The following HOXA3 variants were observed in gnomAD, a reference collection of about 807,000 sequenced individuals.
HOXA3 encodes homeobox A3.
Under a neutral mutation model 30.3 loss-of-function variants are expected in HOXA3, and 8 were observed. The observed-to-expected ratio is 0.26, with a 90% CI of 0.15 to 0.48. HOXA3 has a LOEUF of 0.48. Among genes scored for constraint, HOXA3 ranks in the 20% least tolerant of loss-of-function variants. The pLI is 0.99. For synonymous variants in HOXA3, 323 were observed against 273.1 expected, an observed-to-expected ratio of 1.18 and a Z score of -1.80; for missense variants, 653 against 614.4, an observed-to-expected ratio of 1.06 and a Z score of -0.66.
chr7:27,120,866 GC>G (rs1283089041), intron 4 of HOXA3: 1 of 152,198 alleles, frequency 6.6e-6, no homozygotes, highest in Non-Finnish European at 1.5e-5. Flanking sequence ...GTCCTCCTTT[GC>G]CACTCTGCAA....
chr7:27,136,690 G>A (rs1305061668), intron 2 of HOXA3, among the ~76,000 whole-genome samples: 2 of 152,128 alleles, frequency 1.3e-5, no homozygotes, highest in East Asian at 1.9e-4. Flanking sequence ...CTCCAGCAAG[G>A]GCTGCTTCAC....
chr7:27,151,501 C>T (rs1475210539), intron 1 of HOXA3: 1 of 428,558 alleles, frequency 2.3e-6, no homozygotes, highest in Non-Finnish European at 4.8e-6. Flanking sequence ...CGCGCGCTAA[C>T]AGCATTATGT....
chr7:27,143,456 C>T (rs1782647417), intron 1 of HOXA3: 3 of 1,613,798 alleles, frequency 1.9e-6, no homozygotes, highest in Non-Finnish European at 2.5e-6. Flanking sequence ...GAGATCCATG[C>T]CATTGTAGCC....
chr7:27,117,117 C>A (rs1308872620), intron 4 of HOXA3, among the ~76,000 whole-genome samples: 1 of 152,214 alleles, frequency 6.6e-6, no homozygotes, highest in Non-Finnish European at 1.5e-5. Flanking sequence ...GTCCCCAAAG[C>A]CCAATTAGCT....
intron 1 of HOXA3, chr7:27,150,224 C>CA (rs1465631073): frequency 1.3e-5 from 2 of 152,034 alleles, no homozygotes; most frequent in African/African-American, 4.8e-5. Context: ...CCAGACCCTC[C>CA]AAAGGGCCTC....
chr7:27,152,048 G>A (rs1782988358), intron 1 of HOXA3, among the ~76,000 whole-genome samples: 1 of 152,134 alleles, frequency 6.6e-6, no homozygotes, highest in Admixed American at 6.5e-5. Flanking sequence ...TACTGCCAAG[G>A]CGAGCCAGGG....
At chr7:27,129,453 G>GC in intron 2 of HOXA3, 3 of 1,614,222 alleles carry the variant, frequency 1.9e-6, no homozygotes, top group Non-Finnish European at 2.5e-6. Flanking sequence ...CGATCTCGAT[G>GC]CGGCGCCGCC....
intron 2 of HOXA3, chr7:27,129,173 A>G (rs1328086753): frequency 1.0e-5 from 11 of 1,078,894 alleles, no homozygotes; most frequent in Non-Finnish European, 1.4e-5. Flanking sequence ...GAGCAGGAGA[A>G]GAGAAGAGAA....
intron 2 of HOXA3, among the ~76,000 whole-genome samples, chr7:27,139,881 C>G (rs972281303): frequency 6.6e-6 from 1 of 152,190 alleles, no homozygotes; most frequent in African/African-American, 2.4e-5. Context: ...GGATGCGGCG[C>G]GGCCACAGGC....
intron 1 of HOXA3, chr7:27,143,131 C>G (rs773252225): frequency 1.9e-6 from 3 of 1,607,548 alleles, no homozygotes; most frequent in African/African-American, 2.7e-5. Flanking sequence ...GCGCACTCGC[C>G]TGCTCGCTGC....
intron 1 of HOXA3, chr7:27,150,019 A>G (rs1782915066): frequency 6.6e-6 from 1 of 152,240 alleles, no homozygotes; most frequent in East Asian, 1.9e-4. Context: ...AGCTAACAAG[A>G]GAATTTGATT....
chr7:27,144,858 C>A (rs566960114), intron 1 of HOXA3, among the ~76,000 whole-genome samples: 1 of 152,350 alleles, frequency 6.6e-6, no homozygotes, highest in South Asian at 2.1e-4. Context: ...GAAGCCAGGA[C>A]TCTGGCGGCT....
At chr7:27,111,482 TTGCG>T (rs761207373) in intron 4 of HOXA3, among the ~76,000 whole-genome samples, 1 of 65,574 alleles carries the variant, frequency 1.5e-5, no homozygotes, top group Admixed American at 1.7e-4. Flanking sequence ...GTGGAACACA[TTGCG>T]TGTGTGTGTG....
intron 1 of HOXA3, chr7:27,145,537 C>T: frequency 1.7e-6 from 2 of 1,199,190 alleles, no homozygotes; most frequent in Non-Finnish European, 2.3e-6. Context: ...GCTCCGGGCT[C>T]CCCTGAAGCT....
chr7:27,140,033 A>AGAGAGAGAGAGAGAG (rs1281735462), intron 2 of HOXA3, 50 bp downstream of exon 2: 19 of 118,832 alleles, frequency 1.6e-4, no homozygotes, highest in African/African-American at 3.2e-4. Flanking sequence ...GAGAGAGAGA[A>AGAGAGAGAGAGAGAG]AGTTTCCAAA....
In HOXA3 at chr7:27,108,283, G is replaced by A. The variant is rs1378393036; in HGVS notation, c.964C>T (p.Pro322Ser). Residue 322 changes from proline to serine, a missense_variant, in exon 6 of 6, where the codon CCG becomes TCG. Coordinates refer to ENST00000612286, the MANE Select transcript of HOXA3 (RefSeq NM_153631.3). The surrounding 1 kb of genome is among the most constrained non-coding windows in gnomAD (Gnocchi z 5.0). ...GTGTAGCGCTTCTGTGGGGGTGGCG[G>A]GGGTGCGCAGCTGGGCAGGGACGCA... ...YPASLPSCAPPPPPQKRYTAA... is the reference protein window; with the variant it reads ...YPASLPSCAPSPPPQKRYTAA... 3 of 1,518,424 alleles carry A rather than the reference G, an allele frequency of 2.0e-6. No homozygotes were observed. Among genetic ancestry groups the A allele is most frequent in the Non-Finnish European group, 1.8e-6 (2 of 1,133,408 alleles). The allele number at this position is 1,518,424 out of a possible 1,614,324, so 94.1% of individuals were successfully genotyped here.
intron 4 of HOXA3, among the ~76,000 whole-genome samples, chr7:27,114,744 TACACAC>T (rs70994629): frequency 1.1e-5 from 1 of 93,440 alleles, no homozygotes; most frequent in Non-Finnish European, 2.1e-5. Context: ...ACCGACATCA[TACACAC>T]ACACACACAC....
intron 2 of HOXA3, chr7:27,129,438 G>A (rs1295796860): frequency 1.2e-6 from 2 of 1,614,218 alleles, no homozygotes; most frequent in African/African-American, 1.3e-5. Flanking sequence ...AACAGAGCGT[G>A]TGGGCGATCT....
At chr7:27,142,049 G>GT (rs1326879343) in intron 1 of HOXA3, 1 of 1,613,892 alleles carries the variant, frequency 6.2e-7, no homozygotes, top group Non-Finnish European at 8.5e-7. Flanking sequence ...CGTGTAGGCC[G>GT]TCCGGGCCCT....
Sources: allele counts gnomAD v4.1 joint callset (sites outside exome capture counted in the v4.1 genomes callset), GRCh38; gene constraint gnomAD v4.1.1; non-coding constraint Gnocchi (gnomAD v3.1); transcripts MANE v1.5; gene names NCBI Gene and HGNC (gene_info 2026-07-23, HGNC 2026-07-21).